Variants in FBXL17 observed in about 807,000 individuals in gnomAD.
FBXL17 encodes F-box and leucine rich repeat protein 17.
FBXL17 carries 22 observed loss-of-function variants against 66.2 expected under a neutral mutation model. The observed-to-expected ratio is 0.33, with a 90% confidence interval of 0.24 to 0.47. The LOEUF (loss-of-function observed/expected upper bound fraction) is 0.47, where lower values mean the gene tolerates loss of function less well. FBXL17 is among the 20% of genes least tolerant of loss of function. The probability of loss-of-function intolerance (pLI) is 1.00; values close to 1 mark genes in which losing one functional copy is unlikely to be tolerated. For missense variants in FBXL17, 878 were observed against 948.2 expected, an observed-to-expected ratio of 0.93 and a Z score of 0.97; for synonymous variants, 474 against 400.5, an observed-to-expected ratio of 1.18 and a Z score of -2.19.
At chr5:108,116,308 G>C (rs1440626553) in intron 6 of FBXL17, among the ~76,000 whole-genome samples, 1 of 151,904 alleles carries the variant, frequency 6.6e-6, no homozygotes, top group African/African-American at 2.4e-5. Context: ...TCCATGGGAG[G>C]GTAGTGAATA....
chr5:108,304,451 A>G (rs1259601076), intron 4 of FBXL17, among the ~76,000 whole-genome samples: 1 of 151,964 alleles, frequency 6.6e-6, no homozygotes, highest in African/African-American at 2.4e-5. Flanking sequence ...TCCTGAATAA[A>G]CTTGAATGAT....
chr5:108,078,965 G>A (rs1398539261), intron 6 of FBXL17, among the ~76,000 whole-genome samples: 2 of 152,046 alleles, frequency 1.3e-5, no homozygotes, highest in Non-Finnish European at 2.9e-5. Flanking sequence ...GCAGTGCAGT[G>A]GCACAATCAG....
chr5:108,105,000 C>T (rs777528478), intron 6 of FBXL17, among the ~76,000 whole-genome samples: 28 of 152,100 alleles, frequency 1.8e-4, no homozygotes, highest in Non-Finnish European at 3.5e-4. Flanking sequence ...CGCCACGATG[C>T]CCAGCTAATT....
chr5:108,314,728 A>T (rs1470040130), intron 4 of FBXL17, among the ~76,000 whole-genome samples: 1 of 151,570 alleles, frequency 6.6e-6, no homozygotes, highest in Non-Finnish European at 1.5e-5. Context: ...ATTATTTTAA[A>T]ATCAGGCAAG....
intron 4 of FBXL17, among the ~76,000 whole-genome samples, chr5:108,285,766 G>T (rs557129307): frequency 6.6e-6 from 1 of 151,356 alleles, no homozygotes; most frequent in Non-Finnish European, 1.5e-5. Flanking sequence ...ACAAACAGTG[G>T]ACTTTACAAT....
intron 4 of FBXL17, among the ~76,000 whole-genome samples, chr5:108,240,161 C>A (rs115683392): frequency 0.025 from 3,756 of 152,182 alleles, 148 homozygotes; most frequent in African/African-American, 0.085. Flanking sequence ...GAAAAAAACT[C>A]CTTCTACTTG....
intron 6 of FBXL17, among the ~76,000 whole-genome samples, chr5:108,052,166 T>A (rs909614604): frequency 3.4e-5 from 5 of 148,504 alleles, no homozygotes; most frequent in African/African-American, 9.8e-5. Flanking sequence ...ATGCCCTCTC[T>A]CACCACTCCT....
chr5:108,186,199 T>C lies in FBXL17; in HGVS notation c.1663A>G (p.Asn555Asp). ...LDLRHITELD[N>D]ETVMEIVKRC... ...TTGACAATTTCCATCACGGTTTCAT[T>C]ATCCAGTTCAGTGATATGACGTAGG... The change falls in exon 6 of 9, where the codon AAT (asparagine) becomes GAT (aspartate). Residue 555 changes from asparagine (N) to aspartate (D), a missense_variant. Asn to Asp is a conservative substitution (Grantham distance 23, BLOSUM62 1). Transcript: ENST00000542267. 1 of 1,612,746 alleles carries C rather than the reference T, an allele frequency of 6.2e-7. No individual in the cohort carries two copies. Among genetic ancestry groups the C allele is most frequent in the Non-Finnish European group, 8.5e-7 (1 of 1,178,898 alleles).
At chr5:107,921,487 A>G (rs567054933) in intron 7 of FBXL17, among the ~76,000 whole-genome samples, 1 of 152,358 alleles carries the variant, frequency 6.6e-6, no homozygotes, top group South Asian at 2.1e-4. Flanking sequence ...AGCAGGAAAC[A>G]GTATGGCAAA....
intron 7 of FBXL17, among the ~76,000 whole-genome samples, chr5:107,935,769 G>C (rs920907659): frequency 1.3e-5 from 2 of 152,102 alleles, no homozygotes; most frequent in Admixed American, 1.3e-4. Context: ...GCACCAGCTT[G>C]TCCAATAGGT....
chr5:108,364,070 C>T (rs760674496), intron 3 of FBXL17, among the ~76,000 whole-genome samples: 11 of 151,942 alleles, frequency 7.2e-5, no homozygotes, highest in Non-Finnish European at 1.2e-4. Context: ...ATAAGTTGTA[C>T]TGACACACCC....
rs902917506 is a variant in FBXL17, at chr5:108,165,542, A to C, written c.1745+20575T>G. Among the ~76,000 whole-genome samples, 5 of 152,362 alleles carry C rather than the reference A, an allele frequency of 3.3e-5. 1 individual carries two copies. On this transcript the variant is annotated intron_variant, in intron 6 of 8. Transcript: ENST00000542267. ...GTGACAAATAAATTACTAATAAAGA[A>C]AGGCAAGGGAGTAGCTGAGAATAGT...
chr5:107,906,200 G>A (rs367704466), intron 7 of FBXL17, among the ~76,000 whole-genome samples: 1 of 151,918 alleles, frequency 6.6e-6, no homozygotes, highest in African/African-American at 2.4e-5. Flanking sequence ...TTTTTAAAAG[G>A]CATGTTCCTT....
At chr5:108,268,503 A>C (rs17386492) in intron 4 of FBXL17, among the ~76,000 whole-genome samples, 18,513 of 151,982 alleles carry the variant, frequency 0.12, 1,363 homozygotes, top group Admixed American at 0.16. Flanking sequence ...TGCATCAGTC[A>C]CTTGGCACAA....
intron 6 of FBXL17, among the ~76,000 whole-genome samples, chr5:108,061,500 T>G (rs891515468): frequency 6.6e-6 from 1 of 152,084 alleles, no homozygotes; most frequent in South Asian, 2.1e-4. Flanking sequence ...CTGCCCTTTC[T>G]CTGGCCCTCT....
intron 5 of FBXL17, among the ~76,000 whole-genome samples, chr5:108,191,271 C>A (rs558360887): frequency 1.3e-5 from 2 of 152,322 alleles, no homozygotes; most frequent in Admixed American, 6.5e-5. Flanking sequence ...TCTAGCACAG[C>A]TTCTGACACA....
At chr5:108,167,393 C>G (rs1051961016) in intron 6 of FBXL17, among the ~76,000 whole-genome samples, 8 of 152,152 alleles carry the variant, frequency 5.3e-5, no homozygotes, top group Non-Finnish European at 1.0e-4. Flanking sequence ...ATGATTAAGC[C>G]TCCAAACATT....
chr5:108,187,679 T>A (rs1753294135), intron 5 of FBXL17, among the ~76,000 whole-genome samples: 1 of 152,144 alleles, frequency 6.6e-6, no homozygotes. Context: ...GACCTCAGAC[T>A]TACAACCTTA....
chr5:107,956,213 T>C (rs1297159271), intron 7 of FBXL17, among the ~76,000 whole-genome samples: 1 of 152,226 alleles, frequency 6.6e-6, no homozygotes, highest in East Asian at 1.9e-4. Context: ...TTTATTAATA[T>C]CTTTAGAAAG....
Sources: gnomAD v4.1 joint callset for allele counts (sites outside exome capture counted in the v4.1 genomes callset) on GRCh38, gnomAD v4.1.1 for gene constraint, MANE v1.5 for transcripts, NCBI Gene and HGNC (gene_info 2026-07-23, HGNC 2026-07-21) for gene names.